The following GALNT13 variants were observed in gnomAD, a reference collection of about 807,000 sequenced individuals.
The protein encoded by GALNT13 is polypeptide N-acetylgalactosaminyltransferase 13.
GALNT13 carries 28 observed loss-of-function variants against 64.2 expected under a neutral mutation model. The observed-to-expected ratio is 0.44, with a 90% confidence interval of 0.32 to 0.60. The LOEUF (loss-of-function observed/expected upper bound fraction) is 0.60, where lower values mean the gene tolerates loss of function less well. Among genes scored for constraint, GALNT13 ranks in the 20% least tolerant of loss-of-function variants. The pLI, the probability that GALNT13 is intolerant of heterozygous loss-of-function variation, is 0.05. For synonymous variants in GALNT13, 214 were observed against 224.6 expected (o/e 0.95, Z 0.42); for missense variants, 577 against 669.8 (o/e 0.86, Z 1.53).
the GALNT13 span, among the ~76,000 whole-genome samples, chr2:153,074,645 G>A: frequency 1.3e-5 from 2 of 152,082 alleles, no homozygotes; most frequent in South Asian, 2.1e-4. Flanking sequence ...TAATATTATG[G>A]GACCATCATT....
chr2:153,251,095 A>G, the GALNT13 span, among the ~76,000 whole-genome samples: 1 of 152,176 alleles, frequency 6.6e-6, no homozygotes, highest in African/African-American at 2.4e-5. Context: ...TAGGTCCTCT[A>G]AAGTCCAAAA....
At chr2:153,568,248 G>A in the GALNT13 span, among the ~76,000 whole-genome samples, 1 of 151,966 alleles carries the variant, frequency 6.6e-6, no homozygotes. Flanking sequence ...TTGAGACAGG[G>A]TCTCTGGCAC....
the GALNT13 span, among the ~76,000 whole-genome samples, chr2:153,779,835 G>A: frequency 6.6e-6 from 1 of 152,092 alleles, no homozygotes; most frequent in East Asian, 1.9e-4. Flanking sequence ...AGCACAACAT[G>A]AAGATTTTCA....
At chr2:153,157,064 C>A in the GALNT13 span, among the ~76,000 whole-genome samples, 1 of 152,136 alleles carries the variant, frequency 6.6e-6, no homozygotes, top group African/African-American at 2.4e-5. Context: ...AAAGTGGAGA[C>A]ATAAGGCATA....
At chr2:153,081,009 A>C in the GALNT13 span, among the ~76,000 whole-genome samples, 1 of 151,944 alleles carries the variant, frequency 6.6e-6, no homozygotes, top group Non-Finnish European at 1.5e-5. Flanking sequence ...CTCTCCTTTA[A>C]AATTATATAA....
At chr2:154,073,989 GATA>G (rs894836755) in intron 3 of GALNT13, among the ~76,000 whole-genome samples, 1 of 151,650 alleles carries the variant, frequency 6.6e-6, no homozygotes, top group African/African-American at 2.4e-5. Flanking sequence ...CTGGTTTTTT[GATA>G]ATAAAAGTAT....
the GALNT13 span, among the ~76,000 whole-genome samples, chr2:153,694,690 G>A: frequency 6.6e-6 from 1 of 152,074 alleles, no homozygotes; most frequent in Non-Finnish European, 1.5e-5. Flanking sequence ...CACATATTTG[G>A]TAGAAAGCAT....
At chr2:154,306,258 C>T (rs1466841858) in intron 9 of GALNT13, among the ~76,000 whole-genome samples, 2 of 151,936 alleles carry the variant, frequency 1.3e-5, no homozygotes, top group Non-Finnish European at 1.5e-5. Context: ...CCCATTAACC[C>T]GTCATCTACG....
At chr2:153,485,764 G>A in the GALNT13 span, among the ~76,000 whole-genome samples, 16 of 152,140 alleles carry the variant, frequency 1.1e-4, no homozygotes, top group African/African-American at 3.9e-4. Flanking sequence ...GCCGGGCATG[G>A]TGGTGCATGC....
the GALNT13 span, among the ~76,000 whole-genome samples, chr2:153,582,006 C>T: frequency 6.6e-6 from 1 of 152,096 alleles, no homozygotes; most frequent in African/African-American, 2.4e-5. Flanking sequence ...TCAACCATCA[C>T]TTATAAGGCA....
At chr2:153,782,237 T>C in the GALNT13 span, among the ~76,000 whole-genome samples, 1 of 152,218 alleles carries the variant, frequency 6.6e-6, no homozygotes, top group Non-Finnish European at 1.5e-5. Flanking sequence ...CATAGATCTT[T>C]CTATGCATCA....
the GALNT13 span, among the ~76,000 whole-genome samples, chr2:153,719,749 A>C: frequency 6.6e-6 from 1 of 151,848 alleles, no homozygotes; most frequent in Admixed American, 6.6e-5. Flanking sequence ...TGCGCTTTTC[A>C]GACCGGCTTA....
At chr2:153,148,648 G>T in the GALNT13 span, among the ~76,000 whole-genome samples, 2 of 151,518 alleles carry the variant, frequency 1.3e-5, no homozygotes, top group Admixed American at 6.6e-5. Flanking sequence ...ATTAGAAAGG[G>T]AAAAAATATA....
At chr2:153,215,420 T>C in the GALNT13 span, among the ~76,000 whole-genome samples, 1 of 152,132 alleles carries the variant, frequency 6.6e-6, no homozygotes, top group African/African-American at 2.4e-5. Flanking sequence ...TGGGGTACTG[T>C]GAAGTTTTAT....
chr2:153,863,322 G>T, the GALNT13 span, among the ~76,000 whole-genome samples: 2 of 151,920 alleles, frequency 1.3e-5, no homozygotes, highest in African/African-American at 4.8e-5. Context: ...ACTTTTCTTT[G>T]TTCCCCATAT....
At chr2:154,322,527 A>G (rs1174426316) in intron 9 of GALNT13, among the ~76,000 whole-genome samples, 1 of 152,122 alleles carries the variant, frequency 6.6e-6, no homozygotes, top group Non-Finnish European at 1.5e-5. Context: ...TATCAGTGGC[A>G]GCCTTGGTTT....
At chr2:154,325,710 G>A (rs1694841929) in intron 9 of GALNT13, among the ~76,000 whole-genome samples, 1 of 151,800 alleles carries the variant, frequency 6.6e-6, no homozygotes, top group Admixed American at 6.6e-5. Flanking sequence ...AGTAATTGAG[G>A]CATCCATCAC....
At chr2:153,139,801 A>T in the GALNT13 span, among the ~76,000 whole-genome samples, 1 of 151,936 alleles carries the variant, frequency 6.6e-6, no homozygotes, top group African/African-American at 2.4e-5. Context: ...TTTAGTGTGG[A>T]TTTGTTTTAT....
At chr2:154,317,464 A>C (rs1018201024) in intron 9 of GALNT13, among the ~76,000 whole-genome samples, 1 of 152,210 alleles carries the variant, frequency 6.6e-6, no homozygotes, top group African/African-American at 2.4e-5. Flanking sequence ...GAATTGAATA[A>C]GAAGCTGGAT....
Sources: gnomAD v4.1 joint callset for allele counts (sites outside exome capture counted in the v4.1 genomes callset) on GRCh38, gnomAD v4.1.1 for gene constraint, MANE v1.5 for transcripts, NCBI Gene and HGNC (gene_info 2026-07-23, HGNC 2026-07-21) for gene names.